The following ADIPOR2 variants were observed in gnomAD, a reference collection of about 807,000 sequenced individuals.
The protein encoded by ADIPOR2 is adiponectin receptor 2.
A neutral mutation model predicts 40.9 loss-of-function variants in ADIPOR2; 18 were observed. That is an observed-to-expected ratio of 0.44 (90% confidence interval 0.30 to 0.65). The LOEUF (loss-of-function observed/expected upper bound fraction) is 0.65. Ranked by LOEUF, ADIPOR2 falls within the 30% of genes least tolerant of loss-of-function variation. The probability of loss-of-function intolerance (pLI) is 0.09; values close to 1 mark genes in which losing one functional copy is unlikely to be tolerated. For synonymous variants in ADIPOR2, 165 were observed against 166.4 expected (o/e 0.99, Z 0.06); for missense variants, 283 against 479.2 (o/e 0.59, Z 3.82).
At chr12:1,785,520 A>G (rs1272472885) in intron 7 of ADIPOR2, among the ~76,000 whole-genome samples, 1 of 152,252 alleles carries the variant, frequency 6.6e-6, no homozygotes, top group East Asian at 1.9e-4. Context: ...CCATGACAAA[A>G]TGTCCATCAG....
At chr12:1,765,139 A>G (rs1001274676) in intron 2 of ADIPOR2, among the ~76,000 whole-genome samples, 4 of 152,160 alleles carry the variant, frequency 2.6e-5, no homozygotes, top group African/African-American at 9.7e-5. Flanking sequence ...CATGATACTC[A>G]CATTTTAAAT....
chr12:1,762,880 T>G (rs1862300111), intron 2 of ADIPOR2, among the ~76,000 whole-genome samples: 2 of 152,234 alleles, frequency 1.3e-5, no homozygotes, highest in African/African-American at 2.4e-5. Flanking sequence ...TTTCATTGGT[T>G]TATTGTAAAA....
In ADIPOR2 at chr12:1,736,602, C is replaced by T. The variant is rs1302516911; in HGVS notation, c.-86-17656C>T. Among the ~76,000 whole-genome samples, 3 of 152,210 alleles carry T rather than the reference C, an allele frequency of 2.0e-5. No homozygotes were observed. In the East Asian group the frequency reaches 5.8e-4, roughly 29 times the overall value. Reference sequence around the variant, plus strand: ...AATTTTTTGAAGGGTTTTTTTGTGTCTCTATCCCCTTCAGTTCTGCTCTGA... The same window carrying T: ...AATTTTTTGAAGGGTTTTTTTGTGTTTCTATCCCCTTCAGTTCTGCTCTGA... On this transcript the variant is annotated intron_variant, in intron 1 of 7. Transcript: ENST00000357103.
chr12:1,785,837 C>T, intron 7 of ADIPOR2, 107 bp from the exon 8 acceptor site: 1 of 1,423,002 alleles, frequency 7.0e-7, no homozygotes, highest in South Asian at 1.4e-5. Context: ...CATCCATTCC[C>T]TGCCTTCTGC....
intron 1 of ADIPOR2, among the ~76,000 whole-genome samples, chr12:1,717,637 G>A (rs768562421): frequency 3.9e-4 from 59 of 152,024 alleles, no homozygotes; most frequent in East Asian, 1.9e-4. Context: ...CCTGGGAGGC[G>A]GAGGTTGTGG....
chr12:1,728,048 A>G (rs1020013882), intron 1 of ADIPOR2, among the ~76,000 whole-genome samples: 1 of 151,840 alleles, frequency 6.6e-6, no homozygotes, highest in Admixed American at 6.6e-5. Flanking sequence ...TTCCACATCT[A>G]TTTATGGGCT....
At chr12:1,716,404 A>T (rs1229721334) in intron 1 of ADIPOR2, among the ~76,000 whole-genome samples, 1 of 152,194 alleles carries the variant, frequency 6.6e-6, no homozygotes, top group Non-Finnish European at 1.5e-5. Context: ...AGTTTGGCAC[A>T]GGAGAGATTA....
chr12:1,698,766 A>G (rs2094644402), intron 1 of ADIPOR2, among the ~76,000 whole-genome samples: 1 of 152,030 alleles, frequency 6.6e-6, no homozygotes, highest in Non-Finnish European at 1.5e-5. Context: ...CACATTTTTC[A>G]TTTTGATGTG....
chr12:1,750,863 G>C (rs747981881), intron 1 of ADIPOR2, among the ~76,000 whole-genome samples: 19 of 151,992 alleles, frequency 1.3e-4, no homozygotes, highest in Non-Finnish European at 2.4e-4. Context: ...ATAGATAAAA[G>C]AGTCATATAA....
In ADIPOR2 at chr12:1,786,391, G is replaced by T. The variant is rs771232113; in HGVS notation, c.*319G>T. ...CTTCTGATCCATATCATATTTATTT[G>T]TAGAAGATGGCGAAACAGTTTAGCT... On this transcript the variant is annotated 3_prime_UTR_variant, in exon 8 of 8. Transcript: ENST00000357103. 8 of 250,602 alleles carry T rather than the reference G, an allele frequency of 3.2e-5. No homozygotes were observed. Among genetic ancestry groups the T allele is most frequent in the Non-Finnish European group, 6.1e-5 (8 of 130,358 alleles). The allele number at this position is 250,602 out of a possible 1,614,324, so 15.5% of individuals were successfully genotyped here. A position where few individuals can be genotyped will look rare whatever the true frequency, so the allele number is the denominator to read the frequency against.
At chr12:1,748,056 G>A (rs183780435) in intron 1 of ADIPOR2, among the ~76,000 whole-genome samples, 7 of 151,836 alleles carry the variant, frequency 4.6e-5, no homozygotes, top group Non-Finnish European at 8.8e-5. Flanking sequence ...ACCAAACTGT[G>A]CCTATTGGTG....
chr12:1,691,402 T>TGG (rs2094626577), intron 1 of ADIPOR2, among the ~76,000 whole-genome samples: 1 of 152,142 alleles, frequency 6.6e-6, no homozygotes, highest in Non-Finnish European at 1.5e-5. Flanking sequence ...GTCGGCCGTG[T>TGG]GGGGACCTGG....
intron 1 of ADIPOR2, among the ~76,000 whole-genome samples, chr12:1,720,960 ATTGGTCTCTCACCTAAC>A (rs1489965622): frequency 6.6e-6 from 1 of 152,186 alleles, no homozygotes; most frequent in African/African-American, 2.4e-5. Context: ...AAATGCAGCC[ATTGGTCTCTCACCTAAC>A]TTTAACCTGG....
At chr12:1,755,470 T>A (rs1862106277) in intron 2 of ADIPOR2, among the ~76,000 whole-genome samples, 1 of 152,228 alleles carries the variant, frequency 6.6e-6, no homozygotes, top group Non-Finnish European at 1.5e-5. Context: ...TTAACCATAC[T>A]TTAGCTATGA....
intron 1 of ADIPOR2, chr12:1,730,909 T>G (rs907862444): frequency 6.6e-6 from 1 of 152,176 alleles, no homozygotes; most frequent in African/African-American, 2.4e-5. Flanking sequence ...CTCTCTTATA[T>G]GTAATGCAGG....
At chr12:1,721,205 CTTTTTTTT>C (rs59268943) in intron 1 of ADIPOR2, among the ~76,000 whole-genome samples, 9 of 58,206 alleles carry the variant, frequency 1.5e-4, no homozygotes, top group African/African-American at 3.6e-4. Flanking sequence ...ATAAAATAAA[CTTTTTTTT>C]TTTTTTTTTT....
chr12:1,767,805 A>C (rs1862416096), intron 2 of ADIPOR2, among the ~76,000 whole-genome samples: 1 of 152,114 alleles, frequency 6.6e-6, no homozygotes, highest in Admixed American at 6.5e-5. Context: ...CCCTGTTCTG[A>C]GTTTGTGATA....
rs573355152 is a variant in ADIPOR2, at chr12:1,744,199, C to G, written c.-86-10059C>G. Among the ~76,000 whole-genome samples the G allele has an allele frequency of 8.6e-5, 13 of 152,022 alleles. No homozygotes were observed. In the East Asian group the frequency reaches 2.5e-3, roughly 29 times the overall value. ...TTAGCTCACTGCAAGCTCTGCCTCCCAGGTTCATGCCATTCTCCTGTCAGC... is the reference window on the plus strand; with the variant it reads ...TTAGCTCACTGCAAGCTCTGCCTCCGAGGTTCATGCCATTCTCCTGTCAGC... On this transcript the variant is annotated intron_variant, in intron 1 of 7. Transcript: ENST00000357103.
intron 1 of ADIPOR2, among the ~76,000 whole-genome samples, chr12:1,736,367 C>G (rs2094730699): frequency 6.6e-6 from 1 of 152,308 alleles, no homozygotes; most frequent in South Asian, 2.1e-4. Context: ...CCTAGATTTT[C>G]TAATTTATTT....
Sources: gnomAD v4.1 joint callset for allele counts (sites outside exome capture counted in the v4.1 genomes callset) on GRCh38, gnomAD v4.1.1 for gene constraint, MANE v1.5 for transcripts, NCBI Gene and HGNC (gene_info 2026-07-23, HGNC 2026-07-21) for gene names.